The following CRTC3 variants were observed in gnomAD, a reference collection of about 807,000 sequenced individuals.
The protein encoded by CRTC3 is CREB-regulated transcription coactivator 3.
CRTC3 carries 26 observed loss-of-function variants against 74.5 expected under a neutral mutation model. The observed-to-expected ratio is 0.35, with a 90% CI of 0.26 to 0.48. CRTC3 has a LOEUF of 0.48. Ranked by LOEUF, CRTC3 falls within the 20% of genes least tolerant of loss-of-function variation. The pLI, the probability that CRTC3 is intolerant of heterozygous loss-of-function variation, is 0.99. For missense variants in CRTC3, 760 were observed against 787.3 expected (o/e 0.97, Z 0.41); for synonymous variants, 377 against 325.8 (o/e 1.16, Z -1.69).
In CRTC3 at chr15:90,643,833, G is replaced by C. The variant is rs553054181; in HGVS notation, c.*1693G>C. 4.3e-6 allele frequency: 1 copy of C among 232,384 alleles called. No homozygotes were observed. Among genetic ancestry groups the C allele is most frequent in the Non-Finnish European group, 8.5e-6 (1 of 117,656 alleles). The allele number at this position is 232,384 out of a possible 1,614,324, so 14.4% of individuals were successfully genotyped here. ...GCTTGGACAGCCATTGCCCTTCCAG[G>C]AGACCCTGGAGTGTACTGAGGGTTG... On this transcript the variant is annotated 3_prime_UTR_variant, in exon 15 of 15. Coordinates refer to ENST00000268184, the MANE Select transcript of CRTC3 (RefSeq NM_022769.5).
intron 5 of CRTC3, 102 bp from the exon 6 acceptor site, chr15:90,607,276 G>T: frequency 2.8e-6 from 2 of 709,424 alleles, no homozygotes; most frequent in Non-Finnish European, 4.9e-6. Flanking sequence ...TTATAAATCA[G>T]TTATTCTTGC....
intron 3 of CRTC3, among the ~76,000 whole-genome samples, chr15:90,601,556 G>C (rs897842603): frequency 1.9e-4 from 29 of 152,160 alleles, no homozygotes; most frequent in Admixed American, 1.1e-3. Context: ...GGGAGGCTGA[G>C]GCAGGAGAAT....
chr15:90,619,783 G>C lies in CRTC3; in HGVS notation c.742G>C (p.Gly248Arg). Residue 248 changes from glycine (G) to arginine (R), a missense_variant, in exon 9 of 15, where the codon GGT (glycine) becomes CGT (arginine). Around this residue, in one of 2 missense-constraint regions of CRTC3, gnomAD observed 652 missense variants for 635.2 expected, o/e 1.03. Coordinates refer to ENST00000268184, the MANE Select transcript of CRTC3 (RefSeq NM_022769.5). ...ACGCCCTCGATCCTGTGATGTTGGA[G>C]GTGGCAAGTAAGTAATATTCTTTCT... ...SGRPRSCDVG[G>R]GNAFPHNGQN... is the part of the protein sequence containing the mutation. The C allele has an allele frequency of 6.2e-7, 1 of 1,613,218 alleles. No individual in the cohort carries two copies. The highest frequency in any genetic ancestry group is 8.5e-7 in the Non-Finnish European group (1 of 1,179,164).
intron 6 of CRTC3, among the ~76,000 whole-genome samples, chr15:90,610,299 A>G (rs368128445): frequency 2.8e-4 from 42 of 152,348 alleles, no homozygotes; most frequent in Non-Finnish European, 5.3e-4. Context: ...ACTGGGTTCT[A>G]TGTTCGAAGC....
At chr15:90,630,145 T>C (rs1171926606) in intron 11 of CRTC3, among the ~76,000 whole-genome samples, 2 of 152,188 alleles carry the variant, frequency 1.3e-5, no homozygotes, top group African/African-American at 4.8e-5. Flanking sequence ...CGGTAGGATA[T>C]AGAGAATGCC....
intron 2 of CRTC3, among the ~76,000 whole-genome samples, chr15:90,548,082 T>C (rs1363662927): frequency 1.3e-5 from 2 of 151,660 alleles, no homozygotes; most frequent in Non-Finnish European, 2.9e-5. Flanking sequence ...AGAGATAGAG[T>C]TTCACTATGT....
In CRTC3 at chr15:90,537,377, G is replaced by C. The variant is rs137980667; in HGVS notation, c.133-2662G>C. ...TGCAGGTTACAAAGTCACATCATCC[G>C]ATTCCAGGTCCAGTGCTTTTTGTTT... On this transcript the variant is annotated intron_variant, in intron 1 of 14. Transcript: ENST00000268184. Among the ~76,000 whole-genome samples the C allele has an allele frequency of 4.0e-3, 614 of 152,242 alleles. 2 individuals carry two copies. The highest frequency in any genetic ancestry group is 0.017 in the Middle Eastern group (5 of 294).
At chr15:90,554,431 G>C (rs1966872602) in intron 2 of CRTC3, among the ~76,000 whole-genome samples, 1 of 152,138 alleles carries the variant, frequency 6.6e-6, no homozygotes, top group African/African-American at 2.4e-5. Flanking sequence ...TCGATCTCCT[G>C]ACCTCAGGTA....
At chr15:90,580,391 C>T (rs926053859) in intron 2 of CRTC3, among the ~76,000 whole-genome samples, 5 of 151,814 alleles carry the variant, frequency 3.3e-5, no homozygotes, top group Non-Finnish European at 5.9e-5. Context: ...GAATAGGCTT[C>T]CTTAGTGTCA....
intron 10 of CRTC3, among the ~76,000 whole-genome samples, chr15:90,626,781 G>A (rs1032754772): frequency 5.3e-5 from 8 of 151,992 alleles, no homozygotes; most frequent in African/African-American, 1.9e-4. Context: ...CGAGCTAATC[G>A]TTTTTGTATT....
At chr15:90,607,020 A>C (rs1040097135) in intron 5 of CRTC3, 6 of 168,376 alleles carry the variant, frequency 3.6e-5, no homozygotes, top group Non-Finnish European at 7.6e-5. Context: ...AGGTGGAGAA[A>C]ACCTAGTGCA....
chr15:90,594,840 A>G (rs556289128), intron 3 of CRTC3: 1 of 152,292 alleles, frequency 6.6e-6, no homozygotes, highest in African/African-American at 2.4e-5. Context: ...ACCTGCGACC[A>G]TTCGCAGTGA....
intron 2 of CRTC3, among the ~76,000 whole-genome samples, chr15:90,555,413 C>G (rs953636125): frequency 1.1e-4 from 16 of 152,306 alleles, no homozygotes; most frequent in Admixed American, 9.8e-4. Context: ...AATGCAGACA[C>G]TATCAGTTTA....
rs1668697921 is a variant in CRTC3 at position 90,530,020 on chromosome 15, T to C, written c.-52T>C. On this transcript the variant is annotated 5_prime_UTR_variant, in exon 1 of 15. Transcript: ENST00000268184. This position sits in a 1 kb window ranked among gnomAD's most constrained non-coding sequence, Gnocchi z 6.2. ...CTGTGGACGGACGGGTGGGCCGAGG[T>C]ACAGGCCCCACGGCCGCCGTCTCCC... is the stretch of plus-strand genomic sequence containing the variant. The C allele has an allele frequency of 7.5e-6, 10 of 1,337,048 alleles. No homozygotes were observed. In the South Asian group the frequency reaches 1.4e-4, roughly 18 times the overall value. 82.8% of individuals were successfully genotyped at this position (1,337,048 alleles called of 1,614,324 possible).
In CRTC3 at chr15:90,642,068, C is replaced by T. The variant is rs371801003; in HGVS notation, c.1788C>T (p.Asn596=). 329 of 1,613,902 alleles carry T rather than the reference C, an allele frequency of 2.0e-4. No homozygotes were observed. Among genetic ancestry groups the T allele is most frequent in the Admixed American group, 3.7e-4 (22 of 59,994 alleles). Residue 596 remains asparagine, a synonymous_variant, in exon 15 of 15, where the codon AAC becomes AAT. Coordinates refer to ENST00000268184, the MANE Select transcript of CRTC3 (RefSeq NM_022769.5). Reference sequence around the variant, plus strand: ...AACCCCTGAGCCTGGACGGACTCAACATGTTAAGTGACTCCAGCATGGGCC... The same window carrying T: ...AACCCCTGAGCCTGGACGGACTCAATATGTTAAGTGACTCCAGCATGGGCC... The part of the protein sequence containing the change: ...QIEPLSLDGL[N]MLSDSSMGLL...
At chr15:90,582,697 T>C (rs577865125) in intron 2 of CRTC3, among the ~76,000 whole-genome samples, 1 of 152,362 alleles carries the variant, frequency 6.6e-6, no homozygotes, top group African/African-American at 2.4e-5. Flanking sequence ...CCCCATACCC[T>C]ATGCCATCCT....
At chr15:90,563,308 A>G (rs1967052208) in intron 2 of CRTC3, among the ~76,000 whole-genome samples, 1 of 152,160 alleles carries the variant, frequency 6.6e-6, no homozygotes, top group South Asian at 2.1e-4. Flanking sequence ...CGGGAGGCTG[A>G]GGCAGGAGAG....
chr15:90,560,541 AT>A (rs1966989082), intron 2 of CRTC3, among the ~76,000 whole-genome samples: 1 of 152,240 alleles, frequency 6.6e-6, no homozygotes, highest in African/African-American at 2.4e-5. Context: ...TACTTCAGAT[AT>A]CCCCTGTGGG....
intron 7 of CRTC3, among the ~76,000 whole-genome samples, chr15:90,616,072 T>A (rs1968487542): frequency 6.6e-6 from 1 of 151,978 alleles, no homozygotes; most frequent in South Asian, 2.1e-4. Flanking sequence ...TGCCGCATTG[T>A]CCAGGCTGGT....
Sources: allele counts gnomAD v4.1 joint callset (sites outside exome capture counted in the v4.1 genomes callset), GRCh38; gene constraint gnomAD v4.1.1; regional missense constraint gnomAD v4.1.1; non-coding constraint Gnocchi (gnomAD v3.1); transcripts MANE v1.5; gene names NCBI Gene and HGNC (gene_info 2026-07-23, HGNC 2026-07-21).